ARSG: variants seen among roughly 807,000 people sequenced by gnomAD.
The protein encoded by ARSG is ASG.
Under a neutral mutation model 50.5 loss-of-function variants are expected in ARSG, and 37 were observed. The observed-to-expected ratio is 0.73, with a 90% CI of 0.56 to 0.96. The LOEUF (loss-of-function observed/expected upper bound fraction) is 0.96. ARSG is among the 50% of genes least tolerant of loss of function. The probability of loss-of-function intolerance (pLI) is 0.00; values close to 1 mark genes in which losing one functional copy is unlikely to be tolerated. For synonymous variants in ARSG, 225 were observed against 254.6 expected (o/e 0.88, Z 1.11); for missense variants, 629 against 675.3 (o/e 0.93, Z 0.76).
intron 2 of ARSG, among the ~76,000 whole-genome samples, chr17:68,310,654 C>T (rs150870325): frequency 6.6e-6 from 1 of 152,310 alleles, no homozygotes; most frequent in African/African-American, 2.4e-5. Flanking sequence ...CGGGGGGAAT[C>T]ATTTCAGCTC....
chr17:68,330,620 A>C (rs1328328998), intron 2 of ARSG, among the ~76,000 whole-genome samples: 1 of 152,150 alleles, frequency 6.6e-6, no homozygotes, highest in African/African-American at 2.4e-5. Flanking sequence ...GAAGATTGGT[A>C]TAGGAATAGC....
chr17:68,283,413 C>T lies in ARSG; in HGVS notation c.-551-23530C>T, dbSNP rs532831691. Among the ~76,000 whole-genome samples, 277 of 151,816 alleles carry T rather than the reference C, an allele frequency of 1.8e-3. 2 individuals are homozygous for T. Among genetic ancestry groups the T allele is most frequent in the Admixed American group, 3.8e-3 (58 of 15,242 alleles). On this transcript the variant is annotated intron_variant, in intron 1 of 11. Coordinates refer to the ARSG transcript ENST00000448504. ...GCGGGCGCCTGTAGTCCCAGCTACT[C>T]CGGAGGCTGAGGCAGGAGAATGGCG... is the stretch of plus-strand genomic sequence containing the variant.
intron 2 of ARSG, among the ~76,000 whole-genome samples, chr17:68,333,904 A>G (rs1012501174): frequency 2.0e-5 from 3 of 152,130 alleles, no homozygotes; most frequent in African/African-American, 4.8e-5. Flanking sequence ...GGTGGTCCCA[A>G]TACGTGTGGC....
chr17:68,309,507 G>T (rs782425420), intron 2 of ARSG, among the ~76,000 whole-genome samples: 1 of 152,240 alleles, frequency 6.6e-6, no homozygotes. Flanking sequence ...CAAGGTTGCA[G>T]TGAGCTATGA....
At chr17:68,421,462 T>C (rs2082767084), downstream of ARSG, 2 of 364,776 alleles carry the variant, frequency 5.5e-6, no homozygotes, top group Non-Finnish European at 1.0e-5. Context: ...ACGGCATATA[T>C]TTAAAAAGGA....
At chr17:68,329,902 T>A (rs1419870992) in intron 2 of ARSG, among the ~76,000 whole-genome samples, 1 of 152,242 alleles carries the variant, frequency 6.6e-6, no homozygotes. Flanking sequence ...TATGTACTCA[T>A]GCTAGGTGAT....
chr17:68,317,143 G>A (rs538905487), intron 2 of ARSG, among the ~76,000 whole-genome samples: 7 of 152,242 alleles, frequency 4.6e-5, no homozygotes, highest in African/African-American at 1.7e-4. Flanking sequence ...TTTGTTAAAG[G>A]AAGAAAGGAA....
chr17:68,290,343 C>T (rs1228596839), upstream of ARSG, among the ~76,000 whole-genome samples: 7 of 152,192 alleles, frequency 4.6e-5, no homozygotes, highest in Admixed American at 4.6e-4. Context: ...AAAGAAAAGA[C>T]GACAACAACC....
intron 1 of ARSG, among the ~76,000 whole-genome samples, chr17:68,301,517 G>T (rs573148440): frequency 6.6e-6 from 1 of 152,284 alleles, no homozygotes; most frequent in Non-Finnish European, 1.5e-5. Context: ...CATTTTGCTT[G>T]TCTCGCTCTA....
rs1267309587 is a variant in ARSG, at chr17:68,370,542, G to T, written c.982+18G>T. Reference sequence around the variant, plus strand: ...TCGTCAAGGTAAGGGGCTCAGCTGGGGTTGGTGGATCCCATTGCAATGCTG... The same window carrying T: ...TCGTCAAGGTAAGGGGCTCAGCTGGTGTTGGTGGATCCCATTGCAATGCTG... On this transcript the variant is annotated intron_variant, in intron 8 of 11. Transcript: ENST00000621439. The T allele has an allele frequency of 6.2e-7, 1 of 1,612,036 alleles. No individual in the cohort carries two copies. The highest frequency in any genetic ancestry group is 8.5e-7 in the Non-Finnish European group (1 of 1,178,704).
At position 68,420,598 on chromosome 17, in the gene ARSG, A is replaced by T; in HGVS notation, c.*135A>T. The T allele has an allele frequency of 3.8e-6, 4 of 1,054,516 alleles. No homozygotes were observed. Among genetic ancestry groups the T allele is most frequent in the Non-Finnish European group, 5.6e-6 (4 of 718,910 alleles). 65.3% of individuals were successfully genotyped at this position (1,054,516 alleles called of 1,614,324 possible). ...TTTAGTTTTGGAGTTAGCCTTGCAT[A>T]TCCCTTCTGTATCCTGTCCCTCCTC... is the stretch of plus-strand genomic sequence containing the variant. On this transcript the variant is annotated 3_prime_UTR_variant, in exon 12 of 12. Transcript: ENST00000621439.
At chr17:68,354,264 T>C (rs2078934594) in intron 5 of ARSG, among the ~76,000 whole-genome samples, 1 of 150,094 alleles carries the variant, frequency 6.7e-6, no homozygotes, top group Non-Finnish European at 1.5e-5. Context: ...CTACAGAAAA[T>C]ACAAAAATTA....
intron 9 of ARSG, among the ~76,000 whole-genome samples, chr17:68,392,022 A>T (rs1473482488): frequency 2.6e-5 from 4 of 152,200 alleles, no homozygotes; most frequent in Non-Finnish European, 5.9e-5. Flanking sequence ...TAGAGGGCGG[A>T]TATCCCCCCA....
At chr17:68,433,592 A>G in the ARSG span, 1 of 1,606,570 alleles carries the variant, frequency 6.2e-7, no homozygotes, top group Non-Finnish European at 8.5e-7. Flanking sequence ...GCACAGCAAC[A>G]CATGGGTCAG....
chr17:68,259,755 C>A (rs1197756770), intron 1 of ARSG, among the ~76,000 whole-genome samples: 3 of 152,174 alleles, frequency 2.0e-5, no homozygotes, highest in Admixed American at 6.5e-5. Flanking sequence ...CATCTTACTT[C>A]CAACTGGCCA....
chr17:68,423,641 C>T (rs1374984111), downstream of ARSG, among the ~76,000 whole-genome samples: 1 of 152,204 alleles, frequency 6.6e-6, no homozygotes, highest in Non-Finnish European at 1.5e-5. The surrounding 1 kb of genome is among the most constrained non-coding windows in gnomAD (Gnocchi z 4.4). Context: ...GGAGAAGAAA[C>T]AACTGGCTCA....
intron 6 of ARSG, among the ~76,000 whole-genome samples, chr17:68,364,338 CA>C (rs1399611838): frequency 7.9e-5 from 12 of 152,192 alleles, no homozygotes; most frequent in African/African-American, 2.9e-4. Flanking sequence ...AATTCCATCC[CA>C]GAGATAACCT....
chr17:68,289,662 C>G (rs1004966158), upstream of ARSG, among the ~76,000 whole-genome samples: 5 of 152,188 alleles, frequency 3.3e-5, no homozygotes, highest in Non-Finnish European at 2.9e-5. Context: ...ATTTCCAAAC[C>G]TAACCTGGAT....
chr17:68,259,320 A>G (rs1555744814), exon 1 of ARSG: 1 of 152,226 alleles, frequency 6.6e-6, no homozygotes, highest in African/African-American at 2.4e-5. Context: ...GACCCAGGGT[A>G]ACCTCCTCCA....
Sources: gnomAD v4.1 joint callset for allele counts (sites outside exome capture counted in the v4.1 genomes callset) on GRCh38, gnomAD v4.1.1 for gene constraint, Gnocchi (gnomAD v3.1) non-coding constraint, MANE v1.5 for transcripts, NCBI Gene and HGNC (gene_info 2026-07-23, HGNC 2026-07-21) for gene names.